TSPOAP1: variants seen among roughly 807,000 people sequenced by gnomAD.
TSPOAP1 encodes peripheral-type benzodiazepine receptor-associated protein 1.
In TSPOAP1, 87 loss-of-function variants were observed where a neutral mutation model predicts 197.0. The observed-to-expected ratio is 0.44, with a 90% CI of 0.37 to 0.53. TSPOAP1 has a LOEUF of 0.53. Among genes scored for constraint, TSPOAP1 ranks in the 20% least tolerant of loss-of-function variants. The pLI is 0.00. For missense variants in TSPOAP1, 2,174 were observed against 2,411.3 expected, an observed-to-expected ratio of 0.90 and a Z score of 2.06; for synonymous variants, 913 against 998.9, an observed-to-expected ratio of 0.91 and a Z score of 1.62.
Position 58,311,042 on chromosome 17 carries a change from C to G in TSPOAP1, c.3253G>C (p.Ala1085Pro). Residue 1085 changes from alanine to proline, a missense_variant, in exon 19 of 32, where the codon GCC (alanine) becomes CCC (proline). This residue lies in a region of TSPOAP1 where 1,933 missense variants were observed against 2,139.0 expected (regional missense o/e 0.90). Transcript: ENST00000343736. Reference protein sequence around the residue: ...TPALAPASLPARVSCPSPHPS... With the variant: ...TPALAPASLPPRVSCPSPHPS... ...TGCGGTGAGGGGCAGGAGACTCGGGCTGGCAGGCTGGCCGGAGCCAGGGCG... is the reference window on the plus strand; with the variant it reads ...TGCGGTGAGGGGCAGGAGACTCGGGGTGGCAGGCTGGCCGGAGCCAGGGCG... 1 of 1,583,470 alleles carries G rather than the reference C, an allele frequency of 6.3e-7. No homozygotes were observed. Among genetic ancestry groups the G allele is most frequent in the Non-Finnish European group, 8.6e-7 (1 of 1,164,942 alleles).
Position 58,325,008 on chromosome 17 carries a change from G to A in TSPOAP1, c.751-6C>T, listed in dbSNP as rs568950425. 6.6e-7 allele frequency: 1 copy of A among 1,522,214 alleles called. No individual in the cohort carries two copies. The highest frequency in any genetic ancestry group is 1.2e-5 in the South Asian group (1 of 81,626). 94.3% of individuals were successfully genotyped at this position (1,522,214 alleles called of 1,614,324 possible). The stretch of plus-strand genomic sequence containing the variant: ...TGGAGCCACTGGGGACCCTCCTGAG[G>A]TTGGGGGACAGGGACAGGGAGGGGA... On this transcript the variant is annotated splice_polypyrimidine_tract_variant and splice_region_variant and intron_variant, in intron 4 of 31. Transcript: ENST00000343736.
At chr17:58,307,061 A>G in intron 24 of TSPOAP1, 93 bp from the exon 25 acceptor site, 1 of 1,348,344 alleles carries the variant, frequency 7.4e-7, no homozygotes, top group Non-Finnish European at 1.0e-6. Flanking sequence ...GAAATGCAGA[A>G]GAATGTTCTC....
chr17:58,323,376 C>T lies in TSPOAP1; in HGVS notation c.1026G>A (p.Ser342=), dbSNP rs140181266. 85 of 1,614,214 alleles carry T rather than the reference C, an allele frequency of 5.3e-5. No individual in the cohort carries two copies. In the African/African-American group the frequency reaches 6.7e-4, roughly 13 times the overall value. Residue 342 remains serine, a synonymous_variant, in exon 7 of 32, where the codon TCG becomes TCA. Coordinates refer to ENST00000343736, the MANE Select transcript of TSPOAP1 (RefSeq NM_004758.4). ...EKEQRVQQLE[S]ELSKKRKKCE... The stretch of plus-strand genomic sequence containing the variant: ...ATTTCTTCCGCTTCTTGCTGAGCTC[C>T]GATTCCTGAGGGGTCAGAACCAAGT...
rs748967465 is a variant in TSPOAP1, at chr17:58,309,209, G to A, written c.4063C>T (p.Arg1355Ter). ...EEKSGAGCSS[R>*]DPGPPEPALL... ...GCAGGTTCAGGCGGGCCAGGGTCTC[G>A]GGAAGAACAGCCTGCCCCTGACTTC... Residue 1355 changes from arginine (R) to a stop codon, truncating the protein, a stop_gained, in exon 22 of 32, where the codon CGA (arginine) becomes TGA (stop). Transcript: ENST00000343736. LOFTEE classifies it high-confidence loss of function. The surrounding 1 kb of genome is among the most constrained non-coding windows in gnomAD (Gnocchi z 5.0). 3.1e-6 allele frequency: 5 copies of A among 1,613,912 alleles called. No homozygotes were observed. Among genetic ancestry groups the A allele is most frequent in the Admixed American group, 1.7e-5 (1 of 60,006 alleles).
chr17:58,318,955 T>G, intron 13 of TSPOAP1, 135 bp downstream of exon 13: 1 of 1,048,890 alleles, frequency 9.5e-7, no homozygotes, highest in Non-Finnish European at 1.3e-6. Flanking sequence ...CAGAACGTGG[T>G]TCTAGCCAGG....
At chr17:58,305,922 T>C (rs567490250) in intron 26 of TSPOAP1, 57 bp from the exon 27 acceptor site, 1 of 1,271,596 alleles carries the variant, frequency 7.9e-7, no homozygotes. Flanking sequence ...AGGCTGCAGG[T>C]GCTGCAGCGC....
chr17:58,310,635 C>T lies in TSPOAP1; in HGVS notation c.3576G>A (p.Glu1192=), dbSNP rs1487311417. 19 of 1,613,124 alleles carry T rather than the reference C, an allele frequency of 1.2e-5. No homozygotes were observed. The highest frequency in any genetic ancestry group is 1.6e-5 in the Non-Finnish European group (19 of 1,180,018). ...AAPSLAKQEA[E]WTAGEACPAS... Reference sequence around the variant, plus strand: ...CCGGACAGGCCTCTCCTGCAGTCCACTCGGCCTCCTGCTTGGCCAGTGAGG... The same window carrying T: ...CCGGACAGGCCTCTCCTGCAGTCCATTCGGCCTCCTGCTTGGCCAGTGAGG... The change falls in exon 20 of 32, where the codon GAG becomes GAA. Residue 1192 remains glutamate (E), a synonymous_variant. Coordinates refer to ENST00000343736, the MANE Select transcript of TSPOAP1 (RefSeq NM_004758.4).
intron 16 of TSPOAP1, among the ~76,000 whole-genome samples, chr17:58,315,777 G>A (rs1433556574): frequency 6.6e-6 from 1 of 152,152 alleles, no homozygotes; most frequent in Non-Finnish European, 1.5e-5. Flanking sequence ...ATGCTGTCCT[G>A]TCCTGCTTGG....
chr17:58,306,554 C>T (rs1240998406), intron 25 of TSPOAP1, 141 bp from the exon 26 acceptor site: 2 of 974,174 alleles, frequency 2.1e-6, no homozygotes, highest in East Asian at 2.6e-5. Context: ...TGACAAGAGC[C>T]CCACCCAACC....
chr17:58,309,234 C>T lies in TSPOAP1; in HGVS notation c.4038G>A (p.Glu1346=), dbSNP rs1334887238. The change falls in exon 22 of 32, where the codon GAG becomes GAA. Residue 1346 remains glutamate (E), a synonymous_variant. Coordinates refer to ENST00000343736, the MANE Select transcript of TSPOAP1 (RefSeq NM_004758.4). The surrounding 1 kb of genome is among the most constrained non-coding windows in gnomAD (Gnocchi z 5.0). ...GGGAAGAACAGCCTGCCCCTGACTT[C>T]TCCTCCTCCTCGTCCTCCTCTTCCT... is the stretch of plus-strand genomic sequence containing the variant. ...EEEEEEDEEE[E]KSGAGCSSRD... 3 of 1,613,658 alleles carry T rather than the reference C, an allele frequency of 1.9e-6. No homozygotes were observed. Among genetic ancestry groups the T allele is most frequent in the Non-Finnish European group, 2.5e-6 (3 of 1,179,838 alleles).
At chr17:58,307,247 C>A (rs1006605936) in intron 24 of TSPOAP1, among the ~76,000 whole-genome samples, 8 of 152,174 alleles carry the variant, frequency 5.3e-5, no homozygotes, top group Non-Finnish European at 7.4e-5. Context: ...TGCCTTTAAT[C>A]AATACTTGGA....
chr17:58,328,157 G>A lies in TSPOAP1; in HGVS notation c.-237C>T. The A allele has an allele frequency of 1.8e-6, 1 of 568,522 alleles. No individual in the cohort carries two copies. Among genetic ancestry groups the A allele is most frequent in the Non-Finnish European group, 3.2e-6 (1 of 317,364 alleles). The allele number at this position is 568,522 out of a possible 1,614,324, so 35.2% of individuals were successfully genotyped here. A position where few individuals can be genotyped will look rare whatever the true frequency, so the allele number is the denominator to read the frequency against. ...TATGTTTGCTGGTAGCTGTGTGTGT[G>A]CGCGAGTATGTGGAGGAGCGAGGGT... On this transcript the variant is annotated 5_prime_UTR_variant, in exon 1 of 32. Coordinates refer to ENST00000343736, the MANE Select transcript of TSPOAP1 (RefSeq NM_004758.4). This position sits in a 1 kb window ranked among gnomAD's most constrained non-coding sequence, Gnocchi z 4.3.
At position 58,309,245 on chromosome 17, in the gene TSPOAP1, C is replaced by T. The variant is rs200964292; in HGVS notation, c.4027G>A (p.Glu1343Lys). 1.1e-4 allele frequency: 182 copies of T among 1,613,872 alleles called. 1 individual carries two copies. The highest frequency in any genetic ancestry group is 7.6e-4 in the South Asian group (69 of 91,080). Reference protein sequence around the residue: ...PEEEEEEEEDEEEEKSGAGCS... With the variant: ...PEEEEEEEEDKEEEKSGAGCS... The stretch of plus-strand genomic sequence containing the variant: ...CCTGCCCCTGACTTCTCCTCCTCCT[C>T]GTCCTCCTCTTCCTCTTCCTCCTCC... Residue 1343 changes from glutamate (E) to lysine (K), a missense_variant, in exon 22 of 32, where the codon GAG becomes AAG. Physicochemically the swap from Glu to Lys is moderately conservative, Grantham distance 56 (BLOSUM62 1). Coordinates refer to ENST00000343736, the MANE Select transcript of TSPOAP1 (RefSeq NM_004758.4). The surrounding 1 kb of genome is among the most constrained non-coding windows in gnomAD (Gnocchi z 5.0).
In TSPOAP1 at chr17:58,308,768, C is replaced by T. The variant is rs933289782; in HGVS notation, c.4504G>A (p.Asp1502Asn). Residue 1502 changes from aspartate to asparagine, a missense_variant, in exon 22 of 32, where the codon GAT (aspartate) becomes AAT (asparagine). Physicochemically the swap from Asp to Asn is conservative, Grantham distance 23 (BLOSUM62 1). Coordinates refer to ENST00000343736, the MANE Select transcript of TSPOAP1 (RefSeq NM_004758.4). ...CCCGCCTCCTGCTCATCCTCCGAAT[C>T]ATATTCAATGCTGATTTCCAAGCAC... is the stretch of plus-strand genomic sequence containing the variant. ...PKCLEISIEY[D>N]SEDEQEAGSG... 5 of 1,613,066 alleles carry T rather than the reference C, an allele frequency of 3.1e-6. No homozygotes were observed. The highest frequency in any genetic ancestry group is 4.2e-6 in the Non-Finnish European group (5 of 1,180,012).
At chr17:58,305,732 G>T in intron 27 of TSPOAP1, 89 bp from the exon 28 acceptor site, 1 of 1,511,434 alleles carries the variant, frequency 6.6e-7, no homozygotes, top group Non-Finnish European at 9.1e-7. Context: ...CTGACCCCCT[G>T]TCACCACCTC....
chr17:58,308,536 C>G lies in TSPOAP1; in HGVS notation c.4731+5G>C, dbSNP rs1318950616. ...GGCTGCCCAGGGCGGGGAGTGAGCA[C>G]GGACCCGGGAGAGTGGCTCCTTGGC... On this transcript the variant is annotated splice_donor_5th_base_variant and intron_variant, in intron 22 of 31. Transcript: ENST00000343736. 6.6e-7 allele frequency: 1 copy of G among 1,515,698 alleles called. No homozygotes were observed. The highest frequency in any genetic ancestry group is 8.8e-7 in the Non-Finnish European group (1 of 1,132,002). The allele number at this position is 1,515,698 out of a possible 1,614,324, so 93.9% of individuals were successfully genotyped here. A position where few individuals can be genotyped will look rare whatever the true frequency, so the allele number is the denominator to read the frequency against.
In TSPOAP1 at chr17:58,309,604, C is replaced by G. The variant is rs1971018996; in HGVS notation, c.3892-224G>C. On this transcript the variant is annotated intron_variant, in intron 21 of 31. Transcript: ENST00000343736. This position sits in a 1 kb window ranked among gnomAD's most constrained non-coding sequence, Gnocchi z 5.0. The stretch of plus-strand genomic sequence containing the variant: ...GCCAAAGGAAGAATTAGGGAACACA[C>G]TCTAGGAACCATCACCAGCCCCTGT... Among the ~76,000 whole-genome samples, 1 of 152,124 alleles carries G rather than the reference C, an allele frequency of 6.6e-6. No homozygotes were observed. Among genetic ancestry groups the G allele is most frequent in the Non-Finnish European group, 1.5e-5 (1 of 68,016 alleles).
rs1423789095 is a variant in TSPOAP1, at chr17:58,328,298, G to A, written c.-378C>T. ...AGGTCAATGCTGTCTCATGTGTTGG[G>A]AAGATGGGTGCCCCCACTTCTGTGT... is the stretch of plus-strand genomic sequence containing the variant. On this transcript the variant is annotated 5_prime_UTR_variant, in exon 1 of 32. Transcript: ENST00000343736. The surrounding 1 kb of genome is among the most constrained non-coding windows in gnomAD (Gnocchi z 4.3). The A allele has an allele frequency of 1.5e-5, 4 of 269,946 alleles. No homozygotes were observed. Among genetic ancestry groups the A allele is most frequent in the Non-Finnish European group, 2.9e-5 (4 of 137,300 alleles). The allele number at this position is 269,946 out of a possible 1,614,324, so 16.7% of individuals were successfully genotyped here.
At position 58,306,713 on chromosome 17, in the gene TSPOAP1, G is replaced by A. The variant is rs978149733; in HGVS notation, c.5152+87C>T. ...TCTGCTAGAGTCTGGGTAAGTGGGA[G>A]CACCCCAGACACAACAATTGCTCAG... On this transcript the variant is annotated intron_variant, in intron 25 of 31. Transcript: ENST00000343736. The A allele has an allele frequency of 2.0e-6, 3 of 1,475,792 alleles. No homozygotes were observed. In the East Asian group the frequency reaches 6.9e-5, roughly 34 times the overall value. The allele number at this position is 1,475,792 out of a possible 1,614,324, so 91.4% of individuals were successfully genotyped here. A position where few individuals can be genotyped will look rare whatever the true frequency, so the allele number is the denominator to read the frequency against.
Sources: allele counts gnomAD v4.1 joint callset (sites outside exome capture counted in the v4.1 genomes callset), GRCh38; gene constraint gnomAD v4.1.1; regional missense constraint gnomAD v4.1.1; non-coding constraint Gnocchi (gnomAD v3.1); transcripts MANE v1.5; gene names NCBI Gene and HGNC (gene_info 2026-07-23, HGNC 2026-07-21).